Variants in ZFP36L1 observed in about 807,000 individuals in gnomAD.
ZFP36L1 encodes mRNA decay activator protein ZFP36L1.
Under a neutral mutation model 16.7 loss-of-function variants are expected in ZFP36L1, and 4 were observed. The ratio of observed to expected loss-of-function variants is 0.24; its 90% CI spans 0.12 to 0.55. The LOEUF is 0.55. ZFP36L1 is among the 20% of genes least tolerant of loss of function. The pLI is 0.94. For synonymous variants in ZFP36L1, 220 were observed against 190.8 expected (o/e 1.15, Z -1.26); for missense variants, 311 against 449.2 (o/e 0.69, Z 2.78).
At position 68,790,226 on chromosome 14, in the gene ZFP36L1, G is replaced by A; in HGVS notation, c.324C>T (p.Gly108=). The stretch of plus-strand genomic sequence containing the variant: ...TCTTGTAGCGGCTGGAGTTGACCTG[G>A]CCGCCCCCGGGCTGCTTCTGGGTGG... ...LLPTQKQPGG[G]QVNSSRYKTE... The change falls in exon 2 of 2, where the codon GGC becomes GGT. Residue 108 remains glycine (G), a synonymous_variant. Coordinates refer to ENST00000439696, the MANE Select transcript of ZFP36L1 (RefSeq NM_004926.4). 1 of 1,612,688 alleles carries A rather than the reference G, an allele frequency of 6.2e-7. No individual in the cohort carries two copies.
At position 68,790,247 on chromosome 14, in the gene ZFP36L1, G is replaced by A. The variant is rs1389909283; in HGVS notation, c.303C>T (p.Thr101=). ...CCTGGCCGCCCCCGGGCTGCTTCTG[G>A]GTGGGCAGCAGCCGCTCGCCCCCTT... is the stretch of plus-strand genomic sequence containing the variant. ...FSEGGERLLP[T]QKQPGGGQVN... The change falls in exon 2 of 2, where the codon ACC becomes ACT. Residue 101 remains threonine (T), a synonymous_variant. Transcript: ENST00000439696. 1.9e-6 allele frequency: 3 copies of A among 1,611,630 alleles called. No individual in the cohort carries two copies. Among genetic ancestry groups the A allele is most frequent in the Non-Finnish European group, 2.5e-6 (3 of 1,179,878 alleles).
upstream of ZFP36L1, chr14:68,793,444 G>C: frequency 1.0e-6 from 1 of 994,578 alleles, no homozygotes; most frequent in Non-Finnish European, 1.2e-6. Context: ...TCCTTTGTCA[G>C]CCTCAGAGCG....
In ZFP36L1 at chr14:68,788,397, G is replaced by A. The variant is rs1894969300; in HGVS notation, c.*1136C>T. The A allele has an allele frequency of 6.6e-6, 1 of 152,648 alleles. No homozygotes were observed. Among genetic ancestry groups the A allele is most frequent in the Admixed American group, 6.6e-5 (1 of 15,258 alleles). 9.5% of individuals were successfully genotyped at this position (152,648 alleles called of 1,614,324 possible). ...AAGCTTTTTTATATTGATGTGCAGTGACAAGCAAAATTTTTGCTCTCCAAT... is the reference window on the plus strand; with the variant it reads ...AAGCTTTTTTATATTGATGTGCAGTAACAAGCAAAATTTTTGCTCTCCAAT... On this transcript the variant is annotated 3_prime_UTR_variant, in exon 2 of 2. Coordinates refer to ENST00000439696, the MANE Select transcript of ZFP36L1 (RefSeq NM_004926.4).
upstream of ZFP36L1, chr14:68,793,858 A>C: frequency 3.0e-6 from 3 of 984,358 alleles, no homozygotes; most frequent in Non-Finnish European, 3.6e-6. Context: ...CGAGCGCGGC[A>C]CAATTTAGTG....
rs1278542469 is a variant in ZFP36L1, at chr14:68,788,189, G to C, written c.*1344C>G. ...TAAAGTTACAAAAAATGTCGTTGAA[G>C]AATAATATATTAAAACTGTGGAAAA... On this transcript the variant is annotated 3_prime_UTR_variant, in exon 2 of 2. Transcript: ENST00000439696. 1 of 151,240 alleles carries C rather than the reference G, an allele frequency of 6.6e-6. No homozygotes were observed. Among genetic ancestry groups the C allele is most frequent in the Non-Finnish European group, 1.5e-5 (1 of 67,838 alleles). 9.4% of individuals were successfully genotyped at this position (151,240 alleles called of 1,614,324 possible).
At position 68,789,796 on chromosome 14, in the gene ZFP36L1, C is replaced by T; in HGVS notation, c.754G>A (p.Ala252Thr). The T allele has an allele frequency of 1.2e-6, 2 of 1,613,538 alleles. No individual in the cohort carries two copies. The highest frequency in any genetic ancestry group is 2.2e-5 in the South Asian group (2 of 91,084). ...TLPDGTNNPFAFSSQELASLF... is the reference protein window; with the variant it reads ...TLPDGTNNPFTFSSQELASLF... ...CTTGCCAGCTCCTGGCTGGAGAAGG[C>T]AAAAGGGTTATTGGTGCCATCGGGC... Residue 252 changes from alanine (A) to threonine (T), a missense_variant, in exon 2 of 2, where the codon GCC (alanine) becomes ACC (threonine). Ala to Thr is a moderately conservative substitution (Grantham distance 58, BLOSUM62 0). Coordinates refer to ENST00000439696, the MANE Select transcript of ZFP36L1 (RefSeq NM_004926.4). This position sits in a 1 kb window ranked among gnomAD's most constrained non-coding sequence, Gnocchi z 4.5.
upstream of ZFP36L1, chr14:68,793,537 G>C (rs925870655): frequency 1.0e-6 from 1 of 985,848 alleles, no homozygotes; most frequent in African/African-American, 1.7e-5. Flanking sequence ...AGGCGGGCTC[G>C]ACTTTCTCTT....
In ZFP36L1 at chr14:68,790,225, G is replaced by T; in HGVS notation, c.325C>A (p.Gln109Lys). 1 of 1,612,564 alleles carries T rather than the reference G, an allele frequency of 6.2e-7. No homozygotes were observed. Residue 109 changes from glutamine to lysine, a missense_variant, in exon 2 of 2, where the codon CAG (glutamine) becomes AAG (lysine). Physicochemically the swap from Gln to Lys is moderately conservative, Grantham distance 53. Transcript: ENST00000439696. ...LPTQKQPGGG[Q>K]VNSSRYKTEL... is the part of the protein sequence containing the mutation. ...GTCTTGTAGCGGCTGGAGTTGACCT[G>T]GCCGCCCCCGGGCTGCTTCTGGGTG...
At position 68,787,899 on chromosome 14, in the gene ZFP36L1, G is replaced by C. The variant is rs1258397971; in HGVS notation, c.*1634C>G. ...CTCAAATCTGTGAGTGGAATGTCTT[G>C]AGATGGGCACGTGGAAGTCAAAGGG... is the stretch of plus-strand genomic sequence containing the variant. On this transcript the variant is annotated 3_prime_UTR_variant, in exon 2 of 2. Transcript: ENST00000439696. 6.6e-6 allele frequency: 1 copy of C among 151,642 alleles called. No homozygotes were observed. The highest frequency in any genetic ancestry group is 1.5e-5 in the Non-Finnish European group (1 of 67,922). 9.4% of individuals were successfully genotyped at this position (151,642 alleles called of 1,614,324 possible).
rs557581968 is a variant in ZFP36L1, at chr14:68,789,216, A to C, written c.*317T>G. 3.4e-5 allele frequency: 11 copies of C among 321,284 alleles called. No homozygotes were observed. In the East Asian group the frequency reaches 5.4e-4, roughly 16 times the overall value. The allele number at this position is 321,284 out of a possible 1,614,324, so 19.9% of individuals were successfully genotyped here. A position where few individuals can be genotyped will look rare whatever the true frequency, so the allele number is the denominator to read the frequency against. On this transcript the variant is annotated 3_prime_UTR_variant, in exon 2 of 2. Coordinates refer to ENST00000439696, the MANE Select transcript of ZFP36L1 (RefSeq NM_004926.4). This position sits in a 1 kb window ranked among gnomAD's most constrained non-coding sequence, Gnocchi z 4.5. ...CTTTTTCTCTTGTGATTTGGCACTT[A>C]AGGCTTAAGCCGGAAAAAAAAAGGC...
In ZFP36L1 at chr14:68,793,022, G is replaced by A; in HGVS notation, c.-84C>T. On this transcript the variant is annotated 5_prime_UTR_variant, in exon 1 of 2. Coordinates refer to ENST00000439696, the MANE Select transcript of ZFP36L1 (RefSeq NM_004926.4). Reference sequence around the variant, plus strand: ...GGGGAAGGCGCAGCCTCTCCTGTCTGGAGTCCCACACGCCAGTTCCCGGCG... The same window carrying A: ...GGGGAAGGCGCAGCCTCTCCTGTCTAGAGTCCCACACGCCAGTTCCCGGCG... 1 of 1,605,768 alleles carries A rather than the reference G, an allele frequency of 6.2e-7. No individual in the cohort carries two copies. Among genetic ancestry groups the A allele is most frequent in the Non-Finnish European group, 8.5e-7 (1 of 1,178,484 alleles).
At position 68,789,206 on chromosome 14, in the gene ZFP36L1, T is replaced by G; in HGVS notation, c.*327A>C. ...ACTGTTACTGCTTTTTCTCTTGTGA[T>G]TTGGCACTTAAGGCTTAAGCCGGAA... On this transcript the variant is annotated 3_prime_UTR_variant, in exon 2 of 2. Transcript: ENST00000439696. The surrounding 1 kb of genome is among the most constrained non-coding windows in gnomAD (Gnocchi z 4.5). 1 of 294,064 alleles carries G rather than the reference T, an allele frequency of 3.4e-6. No homozygotes were observed. 18.2% of individuals were successfully genotyped at this position (294,064 alleles called of 1,614,324 possible). A position where few individuals can be genotyped will look rare whatever the true frequency, so the allele number is the denominator to read the frequency against.
intron 1 of ZFP36L1, among the ~76,000 whole-genome samples, chr14:68,791,945 T>C (rs1594717685): frequency 6.6e-6 from 1 of 152,098 alleles, no homozygotes; most frequent in African/African-American, 2.4e-5. Flanking sequence ...GCAAAACACT[T>C]CAGCAATTAA....
Position 68,790,474 on chromosome 14 carries a change from A to C in ZFP36L1, c.76T>G (p.Tyr26Asp). ...CAACCCCCTGCACTGGGAGCACTAT[A>C]GTTGAGCATCTTGTTACCCTGGAGA... ...VLCKGNKMLN[Y>D]SAPSAGGCLL... The change falls in exon 2 of 2, where the codon TAT (tyrosine) becomes GAT (aspartate). Residue 26 changes from tyrosine to aspartate, a missense_variant. Physicochemically the swap from Tyr to Asp is radical, Grantham distance 160. This residue lies in a region of ZFP36L1 where 137 missense variants were observed against 142.6 expected (regional missense o/e 0.96). Coordinates refer to ENST00000439696, the MANE Select transcript of ZFP36L1 (RefSeq NM_004926.4). The C allele has an allele frequency of 6.2e-7, 1 of 1,614,104 alleles. No individual in the cohort carries two copies. The highest frequency in any genetic ancestry group is 1.6e-4 in the Middle Eastern group (1 of 6,062).
intron 1 of ZFP36L1, 45 bp from the exon 2 acceptor site, chr14:68,790,537 C>G: frequency 1.2e-6 from 2 of 1,604,026 alleles, no homozygotes; most frequent in Non-Finnish European, 1.7e-6. Flanking sequence ...GGACATCCAC[C>G]AGGATGTCCA....
upstream of ZFP36L1, chr14:68,795,931 AG>A: frequency 8.7e-7 from 1 of 1,149,854 alleles, no homozygotes; most frequent in Non-Finnish European, 1.2e-6. Context: ...CGTGGTCGAC[AG>A]GTGCCCAGGG....
intron 1 of ZFP36L1, 148 bp downstream of exon 1, chr14:68,792,734 T>G: frequency 8.2e-7 from 1 of 1,217,298 alleles, no homozygotes. Flanking sequence ...CCAAATTCCT[T>G]CAAACTTGGG....
intron 1 of ZFP36L1, among the ~76,000 whole-genome samples, chr14:68,791,908 C>T (rs1249198181): frequency 6.6e-6 from 1 of 152,158 alleles, no homozygotes; most frequent in Non-Finnish European, 1.5e-5. Context: ...GAAAACAGAG[C>T]AACATGACCC....
chr14:68,792,733 T>A lies in ZFP36L1; in HGVS notation c.57+149A>T, dbSNP rs946484918. ...GGTGGGAAGGACGGGGCCAAATTCC[T>A]TCAAACTTGGGAGAAATGCCGGAGG... On this transcript the variant is annotated intron_variant, in intron 1 of 1. Transcript: ENST00000439696. The A allele has an allele frequency of 3.1e-5, 38 of 1,216,164 alleles. No homozygotes were observed. The East Asian group carries it at 4.9e-4, about 16-fold the overall frequency. The allele number at this position is 1,216,164 out of a possible 1,614,324, so 75.3% of individuals were successfully genotyped here. A position where few individuals can be genotyped will look rare whatever the true frequency, so the allele number is the denominator to read the frequency against.
Sources: allele counts gnomAD v4.1 joint callset (sites outside exome capture counted in the v4.1 genomes callset), GRCh38; gene constraint gnomAD v4.1.1; regional missense constraint gnomAD v4.1.1; non-coding constraint Gnocchi (gnomAD v3.1); transcripts MANE v1.5; gene names NCBI Gene and HGNC (gene_info 2026-07-23, HGNC 2026-07-21).